Variants in KAZN observed in about 807,000 individuals in gnomAD.
KAZN encodes the protein kazrin.
A neutral mutation model predicts 87.4 loss-of-function variants in KAZN; 40 were observed. The observed-to-expected ratio is 0.46, with a 90% CI of 0.36 to 0.60. The LOEUF (loss-of-function observed/expected upper bound fraction) is 0.60, where lower values mean the gene tolerates loss of function less well. Ranked by LOEUF, KAZN falls within the 20% of genes least tolerant of loss-of-function variation. The pLI is 0.00. For missense variants in KAZN, 898 were observed against 1,073.9 expected, an observed-to-expected ratio of 0.84 and a Z score of 2.29; for synonymous variants, 466 against 458.3, an observed-to-expected ratio of 1.02 and a Z score of -0.22.
intron 2 of KAZN, among the ~76,000 whole-genome samples, chr1:14,296,629 C>CTTTTTTT (rs775666706): frequency 3.7e-4 from 31 of 82,754 alleles, no homozygotes; most frequent in South Asian, 5.0e-4. Flanking sequence ...TTTTGTATTT[C>CTTTTTTT]TTTTTTTTTT....
chr1:14,532,653 T>A (rs949391123), intron 2 of KAZN, among the ~76,000 whole-genome samples: 60 of 120,950 alleles, frequency 5.0e-4, no homozygotes, highest in African/African-American at 1.8e-3. Context: ...TAGAGTGTAA[T>A]GTTCCCCTTC....
At chr1:15,041,394 A>G (rs1476453630) in intron 3 of KAZN, among the ~76,000 whole-genome samples, 2 of 139,392 alleles carry the variant, frequency 1.4e-5, no homozygotes, top group Non-Finnish European at 3.0e-5. Context: ...TTGGAGTGCA[A>G]TGGCGGGATC....
At chr1:14,970,791 A>G (rs949423219) in intron 2 of KAZN, among the ~76,000 whole-genome samples, 1 of 152,236 alleles carries the variant, frequency 6.6e-6, no homozygotes, top group African/African-American at 2.4e-5. Context: ...GCAAATGCAC[A>G]GACACCCTCT....
chr1:14,235,353 G>A (rs893909794), intron 2 of KAZN, among the ~76,000 whole-genome samples: 1 of 152,158 alleles, frequency 6.6e-6, no homozygotes, highest in Admixed American at 6.5e-5. Flanking sequence ...AGTAAAAGAA[G>A]CAAGTCATAT....
chr1:14,068,529 T>A (rs1643109094), intron 1 of KAZN, among the ~76,000 whole-genome samples: 1 of 152,134 alleles, frequency 6.6e-6, no homozygotes, highest in Admixed American at 6.5e-5. Flanking sequence ...ATCGGGGGAT[T>A]CTACCATGCA....
intron 1 of KAZN, among the ~76,000 whole-genome samples, chr1:14,635,997 G>A (rs997788827): frequency 2.5e-4 from 38 of 152,348 alleles, no homozygotes; most frequent in African/African-American, 8.7e-4. Flanking sequence ...CGGCTGTTGA[G>A]TAAAGGATGG....
chr1:14,924,467 C>T, intron 1 of KAZN: 1 of 991,312 alleles, frequency 1.0e-6, no homozygotes, highest in Non-Finnish European at 1.2e-6. Flanking sequence ...CGCGCGGCCC[C>T]CGGGACCCGC....
intron 1 of KAZN, among the ~76,000 whole-genome samples, chr1:14,894,057 C>A (rs1188345109): frequency 2.0e-5 from 3 of 152,172 alleles, no homozygotes; most frequent in African/African-American, 7.2e-5. Context: ...CCCAAATCCA[C>A]TTCTCTGACC....
At chr1:14,187,419 A>G (rs970886067) in intron 2 of KAZN, among the ~76,000 whole-genome samples, 3 of 152,204 alleles carry the variant, frequency 2.0e-5, no homozygotes, top group African/African-American at 7.2e-5. Context: ...AAGTATTTAA[A>G]TAGAATAGGA....
At chr1:14,373,610 C>A (rs1473423941) in intron 2 of KAZN, among the ~76,000 whole-genome samples, 1 of 152,162 alleles carries the variant, frequency 6.6e-6, no homozygotes, top group African/African-American at 2.4e-5. Context: ...AACCAGATGT[C>A]CAGGCAGCCC....
At chr1:13,894,016 C>T (rs1638937426) in intron 1 of KAZN, among the ~76,000 whole-genome samples, 1 of 152,162 alleles carries the variant, frequency 6.6e-6, no homozygotes, top group South Asian at 2.1e-4. Context: ...GTTTGTCCTT[C>T]GTCATCGATT....
intron 1 of KAZN, among the ~76,000 whole-genome samples, chr1:14,809,101 G>A (rs1202337745): frequency 6.6e-6 from 1 of 152,292 alleles, no homozygotes; most frequent in South Asian, 2.1e-4. Flanking sequence ...GACCAGAACA[G>A]GGCCCCAGGT....
chr1:14,319,004 T>TTTTA (rs943663763), intron 2 of KAZN, among the ~76,000 whole-genome samples: 1 of 142,746 alleles, frequency 7.0e-6, no homozygotes, highest in African/African-American at 2.6e-5. Context: ...TCTGTTGACC[T>TTTTA]TTTATTTTTA....
upstream of KAZN, among the ~76,000 whole-genome samples, chr1:14,596,891 T>C (rs900170752): frequency 6.6e-6 from 1 of 152,266 alleles, no homozygotes; most frequent in East Asian, 1.9e-4. Context: ...TGAACAGTGC[T>C]GCTATGAACA....
chr1:14,949,487 C>T lies in KAZN; in HGVS notation c.227-11197C>T, dbSNP rs1007851603. ...AGCAGTCCTTGCTGCCACCAGCAGT[C>T]GGGAACCCAGCCACTCTGGTGGCAG... On this transcript the variant is annotated intron_variant, in intron 1 of 14. Transcript: ENST00000376030. The surrounding 1 kb of genome is among the most constrained non-coding windows in gnomAD (Gnocchi z 4.3). Among the ~76,000 whole-genome samples the T allele has an allele frequency of 2.0e-5, 3 of 152,136 alleles. No individual in the cohort carries two copies. Among genetic ancestry groups the T allele is most frequent in the African/African-American group, 4.8e-5 (2 of 41,418 alleles).
At chr1:15,003,089 G>A (rs1462769905) in intron 2 of KAZN, among the ~76,000 whole-genome samples, 1 of 149,662 alleles carries the variant, frequency 6.7e-6, no homozygotes, top group Non-Finnish European at 1.5e-5. Flanking sequence ...ACAGGTAAAC[G>A]AAGGCACCAA....
chr1:14,958,931 G>A (rs1017965504), intron 1 of KAZN, among the ~76,000 whole-genome samples: 4 of 152,140 alleles, frequency 2.6e-5, no homozygotes, highest in East Asian at 1.9e-4. Flanking sequence ...GTTCATTCTC[G>A]AGGGCAGCCA....
chr1:14,157,080 G>A (rs1645611076), intron 1 of KAZN, among the ~76,000 whole-genome samples: 1 of 151,936 alleles, frequency 6.6e-6, no homozygotes, highest in South Asian at 2.1e-4. Context: ...GCTGATAACA[G>A]CACCATTTGC....
At chr1:14,450,178 C>A (rs1312186803) in intron 2 of KAZN, among the ~76,000 whole-genome samples, 1 of 152,150 alleles carries the variant, frequency 6.6e-6, no homozygotes. Flanking sequence ...CCTTTCTTTT[C>A]TTGGCCGGTC....
Sources: allele counts gnomAD v4.1 joint callset (sites outside exome capture counted in the v4.1 genomes callset), GRCh38; gene constraint gnomAD v4.1.1; non-coding constraint Gnocchi (gnomAD v3.1); transcripts MANE v1.5; gene names NCBI Gene and HGNC (gene_info 2026-07-23, HGNC 2026-07-21).